The following UGT1A6 variants were observed in gnomAD, a reference collection of about 807,000 sequenced individuals.
UGT1A6 encodes UDP-glucuronosyltransferase 1A6.
Under a neutral mutation model 44.4 loss-of-function variants are expected in UGT1A6, and 32 were observed. The ratio of observed to expected loss-of-function variants is 0.72; its 90% confidence interval spans 0.54 to 0.97. The LOEUF (loss-of-function observed/expected upper bound fraction) is 0.97, where lower values mean the gene tolerates loss of function less well. UGT1A6 is among the 50% of genes least tolerant of loss of function. UGT1A6 has a pLI of 0.00. For missense variants in UGT1A6, 685 were observed against 661.9 expected (o/e 1.03, Z -0.38); for synonymous variants, 238 against 248.5 (o/e 0.96, Z 0.40).
Position 233,720,632 on chromosome 2 carries a change from G to A in UGT1A6, c.861+26767G>A, listed in dbSNP as rs527749966. 4.6e-5 allele frequency among the ~76,000 whole-genome samples: 7 copies of A among 151,594 alleles called. No homozygotes were observed. In the South Asian group the frequency reaches 1.3e-3, roughly 27 times the overall value. ...AGAATATTTGGGTTTCATTGAAATA[G>A]TACTCTGGGATGTGAAAAACCAAAT... On this transcript the variant is annotated intron_variant, in intron 1 of 4. Coordinates refer to ENST00000305139, the MANE Select transcript of UGT1A6 (RefSeq NM_001072.4).
intron 1 of UGT1A6, among the ~76,000 whole-genome samples, chr2:233,752,099 T>C (rs947761592): frequency 1.3e-5 from 2 of 152,204 alleles, no homozygotes; most frequent in Admixed American, 1.3e-4. Context: ...AGACAGAAAG[T>C]AGAATCAGAG....
chr2:233,733,214 A>G (rs920142608), intron 1 of UGT1A6, among the ~76,000 whole-genome samples: 2 of 152,180 alleles, frequency 1.3e-5, no homozygotes, highest in African/African-American at 4.8e-5. Flanking sequence ...TTGGGCTGAG[A>G]CAATGGGGTT....
chr2:233,693,893 C>T (rs756262106), intron 1 of UGT1A6, 28 bp downstream of exon 1: 2 of 1,613,868 alleles, frequency 1.2e-6, no homozygotes, highest in East Asian at 2.2e-5. Flanking sequence ...TTTTGGACTG[C>T]CTTGTTTCTT....
In UGT1A6 at chr2:233,739,739, C is replaced by T. The variant is rs186719753; in HGVS notation, c.862-27295C>T. 9.1e-3 allele frequency among the ~76,000 whole-genome samples: 1,388 copies of T among 152,094 alleles called. 31 individuals carry two copies. Among genetic ancestry groups the T allele is most frequent in the African/African-American group, 0.032 (1,304 of 41,394 alleles). ...GGACTTGACTTGTCTCAGATGAGAC[C>T]TTGGACTATGGACTTTTGAGCTAGT... On this transcript the variant is annotated intron_variant, in intron 1 of 4. Coordinates refer to ENST00000305139, the MANE Select transcript of UGT1A6 (RefSeq NM_001072.4).
chr2:233,757,560 A>ATATATATATATATATATATATATATG (rs904896556), intron 1 of UGT1A6, among the ~76,000 whole-genome samples: 17 of 123,144 alleles, frequency 1.4e-4, no homozygotes, highest in African/African-American at 3.1e-4. Flanking sequence ...ATATATATAT[A>ATATATATATATATATATATATATATG]TGTATATATG....
Position 233,693,871 on chromosome 2 carries a change from T to G in UGT1A6, c.861+6T>G. ...AGAGGAAAGACTTGTCTCAGGTTGGTGGGTTTATTTCTTTTGGACTGCCTT... is the reference window on the plus strand; with the variant it reads ...AGAGGAAAGACTTGTCTCAGGTTGGGGGGTTTATTTCTTTTGGACTGCCTT... On this transcript the variant is annotated splice_donor_region_variant and intron_variant, in intron 1 of 4. Transcript: ENST00000305139. 6.2e-7 allele frequency: 1 copy of G among 1,614,106 alleles called. No homozygotes were observed. Among genetic ancestry groups the G allele is most frequent in the Non-Finnish European group, 8.5e-7 (1 of 1,180,008 alleles).
In UGT1A6 at chr2:233,724,982, C is replaced by T. The variant is rs1242883505; in HGVS notation, c.861+31117C>T. 2.1e-4 allele frequency among the ~76,000 whole-genome samples: 28 copies of T among 134,856 alleles called. 1 individual carries two copies. The highest frequency in any genetic ancestry group is 3.3e-4 in the Non-Finnish European group (21 of 62,878). The allele number at this position is 134,856 out of a possible 152,430, so 88.5% of individuals were successfully genotyped here. A position where few individuals can be genotyped will look rare whatever the true frequency, so the allele number is the denominator to read the frequency against. On this transcript the variant is annotated intron_variant, in intron 1 of 4. Coordinates refer to ENST00000305139, the MANE Select transcript of UGT1A6 (RefSeq NM_001072.4). ...GAGGCCGAGGTTGGCGGATCACTCGCGGTTAGGGGCTGGAGACCGGCCCGG... is the reference window on the plus strand; with the variant it reads ...GAGGCCGAGGTTGGCGGATCACTCGTGGTTAGGGGCTGGAGACCGGCCCGG...
chr2:233,724,981 G>A lies in UGT1A6; in HGVS notation c.861+31116G>A, dbSNP rs528946654. Among the ~76,000 whole-genome samples, 6 of 134,964 alleles carry A rather than the reference G, an allele frequency of 4.4e-5. 1 individual carries two copies. Among genetic ancestry groups the A allele is most frequent in the South Asian group, 2.4e-4 (1 of 4,092 alleles). The allele number at this position is 134,964 out of a possible 152,430, so 88.5% of individuals were successfully genotyped here. On this transcript the variant is annotated intron_variant, in intron 1 of 4. Transcript: ENST00000305139. ...GGAGGCCGAGGTTGGCGGATCACTC[G>A]CGGTTAGGGGCTGGAGACCGGCCCG...
rs1384702379 is a variant in UGT1A6, at chr2:233,760,914, G to A, written c.862-6120G>A. ...CAGATCACATGACCTTCCTGCAGCG[G>A]GTGAAGAACATGCTCATTGCCTTTT... On this transcript the variant is annotated intron_variant, in intron 1 of 4. Transcript: ENST00000305139. The A allele has an allele frequency of 2.5e-6, 4 of 1,614,148 alleles. No individual in the cohort carries two copies. In the African/African-American group the frequency reaches 4.0e-5, roughly 16 times the overall value.
At chr2:233,717,850 A>G (rs2076611258) in intron 1 of UGT1A6, 2 of 454,974 alleles carry the variant, frequency 4.4e-6, no homozygotes, top group African/African-American at 4.0e-5. Flanking sequence ...TCTTATCAGA[A>G]CTTGGTGCTG....
intron 1 of UGT1A6, chr2:233,713,824 G>A (rs2076349640): frequency 1.2e-5 from 19 of 1,614,054 alleles, no homozygotes; most frequent in Non-Finnish European, 1.5e-5. Flanking sequence ...TTCATTGGGG[G>A]CATCAACTGT....
intron 1 of UGT1A6, chr2:233,719,387 T>C (rs770901552): frequency 8.1e-6 from 13 of 1,613,966 alleles, no homozygotes; most frequent in African/African-American, 1.3e-5. Flanking sequence ...AGTGTCCAAA[T>C]CCTTCCTCCT....
intron 1 of UGT1A6, among the ~76,000 whole-genome samples, chr2:233,737,542 G>A (rs1380608470): frequency 6.6e-6 from 1 of 152,180 alleles, no homozygotes; most frequent in East Asian, 1.9e-4. Flanking sequence ...CCCTGCTTCG[G>A]CTTGCCCTCA....
intron 1 of UGT1A6, among the ~76,000 whole-genome samples, chr2:233,731,421 G>C (rs1039281599): frequency 6.6e-6 from 1 of 151,738 alleles, no homozygotes; most frequent in Non-Finnish European, 1.5e-5. Context: ...TTTTCCTAAT[G>C]CCATCCCTCC....
Position 233,737,292 on chromosome 2 carries a change from G to A in UGT1A6, c.862-29742G>A, listed in dbSNP as rs573133918. On this transcript the variant is annotated intron_variant, in intron 1 of 4. Transcript: ENST00000305139. ...ACACCCCTCACCCAGCCAGGCTGCC[G>A]CCTCACAGTTCAATCTCAGACTGCT... Among the ~76,000 whole-genome samples, 15 of 152,312 alleles carry A rather than the reference G, an allele frequency of 9.8e-5. No homozygotes were observed. The East Asian group carries it at 1.7e-3, about 18-fold the overall frequency.
intron 1 of UGT1A6, among the ~76,000 whole-genome samples, chr2:233,731,531 G>A (rs1424894745): frequency 2.0e-5 from 3 of 152,100 alleles, no homozygotes; most frequent in African/African-American, 4.8e-5. Context: ...GAGAACATGC[G>A]GTGTTTGGTT....
intron 1 of UGT1A6, among the ~76,000 whole-genome samples, chr2:233,714,532 T>A (rs1427036802): frequency 1.3e-5 from 2 of 152,206 alleles, no homozygotes; most frequent in African/African-American, 4.8e-5. Flanking sequence ...CTTCATGGTC[T>A]AATACCGAAG....
intron 1 of UGT1A6, among the ~76,000 whole-genome samples, chr2:233,761,716 C>T (rs1291431022): frequency 6.6e-6 from 1 of 152,198 alleles, no homozygotes; most frequent in Non-Finnish European, 1.5e-5. Flanking sequence ...CATTCTCAAG[C>T]TATTAGGTTT....
At chr2:233,712,199 C>G (rs923606467) in intron 1 of UGT1A6, among the ~76,000 whole-genome samples, 3 of 152,228 alleles carry the variant, frequency 2.0e-5, no homozygotes, top group Non-Finnish European at 2.9e-5. Context: ...CCCCCGGTCC[C>G]TTGGTGAGCA....
Sources: gnomAD v4.1 joint callset for allele counts (sites outside exome capture counted in the v4.1 genomes callset) on GRCh38, gnomAD v4.1.1 for gene constraint, MANE v1.5 for transcripts, NCBI Gene and HGNC (gene_info 2026-07-23, HGNC 2026-07-21) for gene names.